The following GRM1 variants were observed in gnomAD, a reference collection of about 807,000 sequenced individuals.
GRM1 encodes the protein metabotropic glutamate receptor 1.
In GRM1, 33 loss-of-function variants were observed where a neutral mutation model predicts 90.9. That is an observed-to-expected ratio of 0.36 (90% confidence interval 0.28 to 0.49). GRM1 has a LOEUF of 0.49. GRM1 is among the 20% of genes least tolerant of loss of function. The pLI, the probability that GRM1 is intolerant of heterozygous loss-of-function variation, is 0.99. For missense variants in GRM1, 1,190 were observed against 1,534.3 expected (o/e 0.78, Z 3.75); for synonymous variants, 700 against 613.2 (o/e 1.14, Z -2.09).
intron 2 of GRM1, among the ~76,000 whole-genome samples, chr6:146,220,779 G>A (rs560141658): frequency 1.6e-3 from 238 of 152,216 alleles, no homozygotes; most frequent in African/African-American, 5.3e-3. Flanking sequence ...AGCGCACATC[G>A]TTGGGCATCT....
intron 4 of GRM1, among the ~76,000 whole-genome samples, chr6:146,357,236 C>T (rs899265961): frequency 6.6e-6 from 1 of 152,118 alleles, no homozygotes; most frequent in African/African-American, 2.4e-5. Context: ...ATTGGAAGGA[C>T]ATGATCAACT....
Position 146,159,604 on chromosome 6 carries a change from T to TTC in GRM1, c.950+44_950+45dup, listed in dbSNP as rs72225459. 13,025 of 1,207,952 alleles carry TTC rather than the reference T, an allele frequency of 0.011. 53 individuals are homozygous for TTC. The highest frequency in any genetic ancestry group is 0.052 in the East Asian group (2,075 of 40,020). 74.8% of individuals were successfully genotyped at this position (1,207,952 alleles called of 1,614,324 possible). On this transcript the variant is annotated splice_region_variant and intron_variant, in intron 2 of 7. Coordinates refer to ENST00000282753, the MANE Select transcript of GRM1 (RefSeq NM_001278064.2). ...AGTTCTCACTCATTGGAAGGTAAGT[T>TTC]TCTCTCTCTCTCTCTCTCTCTCTCT...
At chr6:146,199,781 G>A (rs1295649688) in intron 2 of GRM1, among the ~76,000 whole-genome samples, 1 of 152,134 alleles carries the variant, frequency 6.6e-6, no homozygotes, top group Non-Finnish European at 1.5e-5. Flanking sequence ...AGTTTGGGAG[G>A]CCAAGGAAGG....
intron 2 of GRM1, among the ~76,000 whole-genome samples, chr6:146,293,828 T>C (rs1583286029): frequency 6.6e-6 from 1 of 151,766 alleles, no homozygotes; most frequent in East Asian, 1.9e-4. Context: ...TAATTAAGCT[T>C]TTCTAAGAAA....
chr6:146,352,588 TG>T, intron 4 of GRM1, 92 bp downstream of exon 4: 1 of 1,307,142 alleles, frequency 7.7e-7, no homozygotes, highest in Non-Finnish European at 1.1e-6. Context: ...CCATGGTTTC[TG>T]GGTGCCATGA....
chr6:146,170,168 A>G (rs770686071), intron 2 of GRM1, among the ~76,000 whole-genome samples: 1 of 151,862 alleles, frequency 6.6e-6, no homozygotes, highest in Non-Finnish European at 1.5e-5. Context: ...TTTTTATATG[A>G]TCAGTGGTTT....
At chr6:146,345,554 A>G (rs1486925723) in intron 3 of GRM1, among the ~76,000 whole-genome samples, 2 of 152,186 alleles carry the variant, frequency 1.3e-5, no homozygotes, top group Admixed American at 6.5e-5. Flanking sequence ...AGCCTAAATC[A>G]CTGCAGCATG....
chr6:146,360,047 C>T (rs1775405915), intron 5 of GRM1, among the ~76,000 whole-genome samples: 1 of 152,096 alleles, frequency 6.6e-6, no homozygotes, highest in South Asian at 2.1e-4. Context: ...ACTAATTTGC[C>T]ACCTACCAGG....
chr6:146,427,486 C>A (rs1353003258), intron 7 of GRM1, among the ~76,000 whole-genome samples: 1 of 152,112 alleles, frequency 6.6e-6, no homozygotes, highest in Non-Finnish European at 1.5e-5. Context: ...GCTTGAATAG[C>A]TCTTCAGATG....
At chr6:146,291,440 T>C (rs1289462668) in intron 2 of GRM1, among the ~76,000 whole-genome samples, 1 of 151,390 alleles carries the variant, frequency 6.6e-6, no homozygotes, top group Admixed American at 6.6e-5. Flanking sequence ...TTTTATCTCT[T>C]TGCTTCTGTA....
chr6:146,055,856 G>T (rs561312898), intron 1 of GRM1, among the ~76,000 whole-genome samples: 1 of 152,102 alleles, frequency 6.6e-6, no homozygotes, highest in Non-Finnish European at 1.5e-5. Context: ...ACTTTATTTA[G>T]TGAATTTTAA....
chr6:146,254,295 T>C (rs2114772561), intron 2 of GRM1, among the ~76,000 whole-genome samples: 1 of 152,046 alleles, frequency 6.6e-6, no homozygotes, highest in African/African-American at 2.4e-5. Context: ...CAGGAGAGAG[T>C]ATCAAATTGG....
intron 7 of GRM1, among the ~76,000 whole-genome samples, chr6:146,423,807 A>G (rs1174938414): frequency 1.3e-5 from 2 of 152,134 alleles, no homozygotes; most frequent in African/African-American, 2.4e-5. Flanking sequence ...GACCAGCTGC[A>G]TTGTTTGCAG....
chr6:146,404,608 G>T (rs1042302965), intron 7 of GRM1, among the ~76,000 whole-genome samples: 3 of 152,164 alleles, frequency 2.0e-5, no homozygotes, highest in Non-Finnish European at 4.4e-5. Context: ...TTTATATAGA[G>T]AAAATAACAT....
chr6:146,203,666 G>C (rs1779398001), intron 2 of GRM1, among the ~76,000 whole-genome samples: 1 of 152,162 alleles, frequency 6.6e-6, no homozygotes, highest in Non-Finnish European at 1.5e-5. Flanking sequence ...TGGCACCCAA[G>C]ATAATCAGAC....
At chr6:146,291,504 A>C (rs2114886091) in intron 2 of GRM1, among the ~76,000 whole-genome samples, 1 of 151,670 alleles carries the variant, frequency 6.6e-6, no homozygotes, top group Admixed American at 6.6e-5. Context: ...TATTTAGGAA[A>C]ATTTTTGTTA....
intron 3 of GRM1, among the ~76,000 whole-genome samples, chr6:146,305,409 T>C (rs568724253): frequency 6.6e-6 from 1 of 152,276 alleles, no homozygotes; most frequent in Admixed American, 6.5e-5. Flanking sequence ...AGCAGCACAT[T>C]GTTCCAAGTT....
chr6:146,081,131 G>C (rs987297358), intron 1 of GRM1, among the ~76,000 whole-genome samples: 1 of 152,134 alleles, frequency 6.6e-6, no homozygotes, highest in African/African-American at 2.4e-5. Context: ...CAAAGTACTT[G>C]GAAATAAAAG....
At chr6:146,028,521 C>T (rs1348817009), upstream of GRM1, among the ~76,000 whole-genome samples, 5 of 151,880 alleles carry the variant, frequency 3.3e-5, no homozygotes, top group East Asian at 9.9e-4. Context: ...CCCCCTAACC[C>T]GTCCACCCAC....
Sources: allele counts gnomAD v4.1 joint callset (sites outside exome capture counted in the v4.1 genomes callset), GRCh38; gene constraint gnomAD v4.1.1; transcripts MANE v1.5; gene names NCBI Gene and HGNC (gene_info 2026-07-23, HGNC 2026-07-21).